Variants in LARP1B observed in about 807,000 individuals in gnomAD.
LARP1B encodes the protein La ribonucleoprotein 1B, also known as la-related protein 1B.
In LARP1B, 76 loss-of-function variants were observed where a neutral mutation model predicts 114.2. The observed-to-expected ratio is 0.67, with a 90% CI of 0.55 to 0.81. LARP1B has a LOEUF of 0.81. Ranked by LOEUF, LARP1B falls within the 30% of genes least tolerant of loss-of-function variation. The pLI is 0.00. For synonymous variants in LARP1B, 345 were observed against 348.0 expected, an observed-to-expected ratio of 0.99 and a Z score of 0.10; for missense variants, 1,014 against 1,075.8, an observed-to-expected ratio of 0.94 and a Z score of 0.80.
At chr4:128,094,400 C>CTTTTTTTTTTTTT (rs776529101) in intron 7 of LARP1B, among the ~76,000 whole-genome samples, 39 of 128,732 alleles carry the variant, frequency 3.0e-4, no homozygotes, top group East Asian at 1.1e-3. Context: ...TTTTCTTTTT[C>CTTTTTTTTTTTTT]TTTTTTTTTT....
chr4:128,098,739 A>ATGTGTG (rs1159007703), intron 8 of LARP1B, among the ~76,000 whole-genome samples: 2 of 23,694 alleles, frequency 8.4e-5, no homozygotes, highest in East Asian at 9.5e-4. Context: ...GTTCCTGTAT[A>ATGTGTG]TGTATGTGTA....
At chr4:128,121,077 G>T (rs1436268697) in intron 10 of LARP1B, among the ~76,000 whole-genome samples, 1 of 152,076 alleles carries the variant, frequency 6.6e-6, no homozygotes, top group Non-Finnish European at 1.5e-5. Flanking sequence ...CCAAAGTGCT[G>T]GGATTATAGG....
rs1482803585 is a variant in LARP1B, at chr4:128,199,430, C to T, written c.2004-9C>T. 7.4e-6 allele frequency: 11 copies of T among 1,489,004 alleles called. No individual in the cohort carries two copies. Among genetic ancestry groups the T allele is most frequent in the African/African-American group, 1.4e-5 (1 of 70,738 alleles). 92.2% of individuals were successfully genotyped at this position (1,489,004 alleles called of 1,614,324 possible). A position where few individuals can be genotyped will look rare whatever the true frequency, so the allele number is the denominator to read the frequency against. On this transcript the variant is annotated splice_polypyrimidine_tract_variant and intron_variant, in intron 15 of 19. Coordinates refer to ENST00000326639, the MANE Select transcript of LARP1B (RefSeq NM_018078.4). ...CATTTTGAAGGCTTTTTTCCCCTTT[C>T]TCAAACAGCACTTCAAATGCTTCAC...
intron 5 of LARP1B, among the ~76,000 whole-genome samples, chr4:128,084,243 A>G (rs1439413344): frequency 2.0e-5 from 3 of 152,146 alleles, no homozygotes; most frequent in East Asian, 3.9e-4. Flanking sequence ...AGAGGCTGCA[A>G]TCTCGGCACT....
At chr4:128,072,702 A>G (rs1561051505) in intron 1 of LARP1B, among the ~76,000 whole-genome samples, 1 of 151,996 alleles carries the variant, frequency 6.6e-6, no homozygotes, top group African/African-American at 2.4e-5. Flanking sequence ...GATTACAGGC[A>G]TGCGCCACCA....
At chr4:128,068,694 T>A (rs1764027153) in intron 1 of LARP1B, among the ~76,000 whole-genome samples, 1 of 152,256 alleles carries the variant, frequency 6.6e-6, no homozygotes, top group South Asian at 2.1e-4. Context: ...ATTACAGGTG[T>A]GAGCCTGGCC....
chr4:128,108,948 C>A, intron 9 of LARP1B: 1 of 450,772 alleles, frequency 2.2e-6, no homozygotes, highest in Non-Finnish European at 2.9e-6. Flanking sequence ...CAGATGCATG[C>A]ACATACATAT....
At chr4:128,168,988 A>G (rs1449933133) in intron 12 of LARP1B, among the ~76,000 whole-genome samples, 1 of 152,168 alleles carries the variant, frequency 6.6e-6, no homozygotes, top group African/African-American at 2.4e-5. Context: ...TTTAAGAAAC[A>G]TAAGACTAAG....
At chr4:128,222,303 T>C (rs1384324454) in intron 7 of LARP1B, 1 of 456,486 alleles carries the variant, frequency 2.2e-6, no homozygotes, top group African/African-American at 2.0e-5. Flanking sequence ...CAGTTTTAGT[T>C]CTTTCCCTTT....
At chr4:128,097,235 AG>A (rs1778403103) in intron 7 of LARP1B, among the ~76,000 whole-genome samples, 3 of 152,138 alleles carry the variant, frequency 2.0e-5, no homozygotes, top group Non-Finnish European at 2.9e-5. Context: ...CAAAGAAAGA[AG>A]CATGGAGAAC....
chr4:128,061,501 G>C (rs1760083335), intron 1 of LARP1B, 100 bp downstream of exon 1: 1 of 203,270 alleles, frequency 4.9e-6, no homozygotes, highest in Non-Finnish European at 8.6e-6. Context: ...TTGGCGCTCC[G>C]TTCGGTGCGG....
At chr4:128,155,000 T>C (rs889845038) in intron 11 of LARP1B, among the ~76,000 whole-genome samples, 1 of 152,140 alleles carries the variant, frequency 6.6e-6, no homozygotes, top group Non-Finnish European at 1.5e-5. Context: ...TCTCGAACTC[T>C]TGACATCAGG....
chr4:128,182,111 C>CT (rs35344280), intron 15 of LARP1B, among the ~76,000 whole-genome samples: 66,307 of 112,890 alleles, frequency 0.59, 22,139 homozygotes, highest in Middle Eastern at 0.79. Flanking sequence ...TGCACCCGGC[C>CT]TTTTTTTTTT....
Position 128,211,113 on chromosome 4 carries a change from AAAAT to A in LARP1B, c.*1064_*1067del, listed in dbSNP as rs1758903157. The A allele has an allele frequency of 1.1e-6, 1 of 902,608 alleles. No individual in the cohort carries two copies. Among genetic ancestry groups the A allele is most frequent in the Non-Finnish European group, 1.3e-6 (1 of 754,906 alleles). The allele number at this position is 902,608 out of a possible 1,614,324, so 55.9% of individuals were successfully genotyped here. ...AGTTTCAGTTTTTGTGAGATTTAAA[AAAAT>A]AAAGCACTTATTCTGAATTTTTTGA... On this transcript the variant is annotated 3_prime_UTR_variant, in exon 20 of 20. Coordinates refer to ENST00000326639, the MANE Select transcript of LARP1B (RefSeq NM_018078.4).
chr4:128,113,171 C>T (rs1784674937), intron 9 of LARP1B, among the ~76,000 whole-genome samples: 1 of 152,024 alleles, frequency 6.6e-6, no homozygotes. Context: ...ATATTTGAGG[C>T]TTACAACATA....
In LARP1B at chr4:128,129,164, C is replaced by CAAAAAAAAAA. The variant is rs559312234; in HGVS notation, c.1524+7007_1524+7016dup. The stretch of plus-strand genomic sequence containing the variant: ...TGGGCGACAGAGCGAGACTCTGTCT[C>CAAAAAAAAAA]AAAAAAAAAAAAAAAAAAAAAAAAA... On this transcript the variant is annotated intron_variant, in intron 11 of 19. Transcript: ENST00000326639. Among the ~76,000 whole-genome samples, 34 of 49,140 alleles carry CAAAAAAAAAA rather than the reference C, an allele frequency of 6.9e-4. 2 individuals carry two copies. Among genetic ancestry groups the CAAAAAAAAAA allele is most frequent in the African/African-American group, 1.9e-3 (20 of 10,316 alleles). 32.2% of individuals were successfully genotyped at this position (49,140 alleles called of 152,430 possible). A position where few individuals can be genotyped will look rare whatever the true frequency, so the allele number is the denominator to read the frequency against.
intron 11 of LARP1B, among the ~76,000 whole-genome samples, chr4:128,134,534 T>A (rs1792635336): frequency 6.6e-6 from 1 of 152,194 alleles, no homozygotes; most frequent in East Asian, 1.9e-4. Flanking sequence ...TGATCTTGGA[T>A]TTGGCAGTGG....
chr4:128,129,796 G>A (rs929962389), intron 11 of LARP1B, among the ~76,000 whole-genome samples: 3 of 151,868 alleles, frequency 2.0e-5, no homozygotes, highest in South Asian at 4.1e-4. Context: ...TTCCACAAAT[G>A]GTGCTAGAAC....
chr4:128,199,640 T>C, intron 16 of LARP1B, 41 bp downstream of exon 16: 2 of 1,045,858 alleles, frequency 1.9e-6, no homozygotes, highest in South Asian at 3.9e-5. Context: ...TATTTAAAAT[T>C]AAAATATAAT....
Sources: allele counts gnomAD v4.1 joint callset (sites outside exome capture counted in the v4.1 genomes callset), GRCh38; gene constraint gnomAD v4.1.1; transcripts MANE v1.5; gene names NCBI Gene and HGNC (gene_info 2026-07-23, HGNC 2026-07-21).